The following TECPR2 variants were observed in gnomAD, a reference collection of about 807,000 sequenced individuals.
The protein encoded by TECPR2 is tectonin beta-propeller repeat-containing protein 2.
A neutral mutation model predicts 138.1 loss-of-function variants in TECPR2; 65 were observed. The ratio of observed to expected loss-of-function variants is 0.47; its 90% CI spans 0.39 to 0.58. TECPR2 has a LOEUF of 0.58. Among genes scored for constraint, TECPR2 ranks in the 20% least tolerant of loss-of-function variants. The probability of loss-of-function intolerance (pLI) is 0.00; values close to 1 mark genes in which losing one functional copy is unlikely to be tolerated. For synonymous variants in TECPR2, 746 were observed against 749.8 expected (o/e 0.99, Z 0.08); for missense variants, 1,553 against 1,824.5 (o/e 0.85, Z 2.71).
In TECPR2 at chr14:102,499,488, C is replaced by A. The variant is rs913353597; in HGVS notation, c.*1231C>A. The stretch of plus-strand genomic sequence containing the variant: ...GCAGCCTCAGAGGGGCAGGCATCCC[C>A]GCACAGACTTGACTGGCAGGGCGGT... On this transcript the variant is annotated 3_prime_UTR_variant, in exon 20 of 20. Coordinates refer to ENST00000359520, the MANE Select transcript of TECPR2 (RefSeq NM_014844.5). 2 of 500,696 alleles carry A rather than the reference C, an allele frequency of 4.0e-6. No individual in the cohort carries two copies. Among genetic ancestry groups the A allele is most frequent in the Non-Finnish European group, 3.6e-6 (1 of 277,260 alleles). 31.0% of individuals were successfully genotyped at this position (500,696 alleles called of 1,614,324 possible). A position where few individuals can be genotyped will look rare whatever the true frequency, so the allele number is the denominator to read the frequency against.
At position 102,501,461 on chromosome 14, in the gene TECPR2, G is replaced by A. The variant is rs1398116433; in HGVS notation, c.*3204G>A. ...GGAGGCCAAGGCAGGAGGATTACTT[G>A]AGCCCAGGAGTTTGAGGCTGCAATG... On this transcript the variant is annotated 3_prime_UTR_variant, in exon 20 of 20. Coordinates refer to ENST00000359520, the MANE Select transcript of TECPR2 (RefSeq NM_014844.5). The A allele has an allele frequency of 6.6e-6, 1 of 152,184 alleles. No homozygotes were observed. The highest frequency in any genetic ancestry group is 1.5e-5 in the Non-Finnish European group (1 of 68,046). The allele number at this position is 152,184 out of a possible 1,614,324, so 9.4% of individuals were successfully genotyped here. A position where few individuals can be genotyped will look rare whatever the true frequency, so the allele number is the denominator to read the frequency against.
chr14:102,431,313 T>C (rs902797765), intron 7 of TECPR2, among the ~76,000 whole-genome samples: 3 of 151,756 alleles, frequency 2.0e-5, no homozygotes, highest in African/African-American at 7.2e-5. Flanking sequence ...CTTAGAGTCT[T>C]TTGTATGATT....
chr14:102,407,190 T>G (rs1194803395), intron 2 of TECPR2, 148 bp from the exon 3 acceptor site: 1 of 1,065,058 alleles, frequency 9.4e-7, no homozygotes, highest in Non-Finnish European at 1.3e-6. Flanking sequence ...TCAACAGATG[T>G]AATTTCTGAC....
At chr14:102,447,322 T>C (rs991299289) in intron 13 of TECPR2, among the ~76,000 whole-genome samples, 4 of 151,982 alleles carry the variant, frequency 2.6e-5, no homozygotes, top group Non-Finnish European at 5.9e-5. Flanking sequence ...TTACCCAGGC[T>C]GGTCTCGAAC....
At chr14:102,492,554 G>A (rs545207181) in intron 17 of TECPR2, among the ~76,000 whole-genome samples, 6 of 152,360 alleles carry the variant, frequency 3.9e-5, no homozygotes, top group South Asian at 2.1e-4. Context: ...GGCTGGGGAC[G>A]CAGAATGTTT....
rs1221856252 is a variant in TECPR2 at position 102,443,798 on chromosome 14, A to C, written c.2904A>C (p.Glu968Asp). 1 of 1,599,078 alleles carries C rather than the reference A, an allele frequency of 6.3e-7. No individual in the cohort carries two copies. The highest frequency in any genetic ancestry group is 2.2e-5 in the East Asian group (1 of 44,588). The stretch of plus-strand genomic sequence containing the variant: ...AGGGCGTGAGCAGCTTCTGTCCGGA[A>C]GGCGAGCAGTGGAAGTGTGACATTG... Reference protein sequence around the residue: ...YREGVSSFCPEGEQWKCDIVS... With the variant: ...YREGVSSFCPDGEQWKCDIVS... Residue 968 changes from glutamate (E) to aspartate (D), a missense_variant, in exon 12 of 20, where the codon GAA (glutamate) becomes GAC (aspartate). Coordinates refer to ENST00000359520, the MANE Select transcript of TECPR2 (RefSeq NM_014844.5). The surrounding 1 kb of genome is among the most constrained non-coding windows in gnomAD (Gnocchi z 4.9).
Position 102,376,817 on chromosome 14 carries a change from C to T in TECPR2, c.96C>T (p.Arg32=), listed in dbSNP as rs1887650510. ...CGACAAAGATCCAGAAGGGTTTCCG[C>T]TCTATCGTGGTCTATCTCACGGCCC... The part of the protein sequence containing the change: ...AIPTKIQKGF[R]SIVVYLTALD... Residue 32 remains arginine (R), a synonymous_variant, in exon 2 of 20, where the codon CGC becomes CGT. Transcript: ENST00000359520. The T allele has an allele frequency of 1.2e-6, 2 of 1,614,204 alleles. No individual in the cohort carries two copies. Among genetic ancestry groups the T allele is most frequent in the African/African-American group, 1.3e-5 (1 of 75,058 alleles).
Position 102,497,641 on chromosome 14 carries a change from C to T in TECPR2, c.4003C>T (p.Arg1335Trp). The T allele has an allele frequency of 3.7e-6, 6 of 1,609,106 alleles. No individual in the cohort carries two copies. The highest frequency in any genetic ancestry group is 2.2e-5 in the East Asian group (1 of 44,626). Residue 1335 changes from arginine (R) to tryptophan (W), a missense_variant, in exon 19 of 20, where the codon CGG (arginine) becomes TGG (tryptophan). Coordinates refer to ENST00000359520, the MANE Select transcript of TECPR2 (RefSeq NM_014844.5). ...CCGCTGTCCAAACGGAGACCTCGCC[C>T]GGCGGTACGGCGTCACAGACAAGAA... ...WARCPNGDLA[R>W]RYGVTDKNPA...
rs367970932 is a variant in TECPR2, at chr14:102,445,842, C to T, written c.2970C>T (p.Leu990=). ...RQALEPVCIT[L]GDQQTLWALD... is the part of the protein sequence containing the mutation. The stretch of plus-strand genomic sequence containing the variant: ...CTTTAGAACCCGTCTGCATAACGCT[C>T]GGGGATCAGCAGACTCTCTGGGCCC... The change falls in exon 13 of 20, where the codon CTC becomes CTT. Residue 990 remains leucine, a synonymous_variant. Coordinates refer to ENST00000359520, the MANE Select transcript of TECPR2 (RefSeq NM_014844.5). The T allele has an allele frequency of 3.2e-5, 52 of 1,613,874 alleles. No individual in the cohort carries two copies. In the East Asian group the frequency reaches 3.3e-4, roughly 10 times the overall value.
intron 13 of TECPR2, among the ~76,000 whole-genome samples, chr14:102,447,071 A>C (rs1160556313): frequency 6.6e-6 from 1 of 152,198 alleles, no homozygotes; most frequent in African/African-American, 2.4e-5. Flanking sequence ...GAAACACTAT[A>C]AGAAACAGGA....
intron 9 of TECPR2, among the ~76,000 whole-genome samples, chr14:102,435,706 G>A (rs775061930): frequency 3.3e-5 from 5 of 152,156 alleles, no homozygotes; most frequent in Non-Finnish European, 4.4e-5. Flanking sequence ...CTCAACCTCC[G>A]AACAGTGGCT....
At chr14:102,403,430 T>TA (rs1231676732) in intron 2 of TECPR2, among the ~76,000 whole-genome samples, 1 of 152,114 alleles carries the variant, frequency 6.6e-6, no homozygotes, top group Non-Finnish European at 1.5e-5. Flanking sequence ...TACTTAATGG[T>TA]AAAAAACGGA....
chr14:102,363,015 G>C lies in TECPR2; in HGVS notation c.-174G>C, dbSNP rs1887218890. On this transcript the variant is annotated 5_prime_UTR_variant, in exon 1 of 20. Coordinates refer to ENST00000359520, the MANE Select transcript of TECPR2 (RefSeq NM_014844.5). ...CGGTGCTGGCCCCGGTGCCGGCCCCGTTGCCCAGGGAACAGGCTCCCGGCA... is the reference window on the plus strand; with the variant it reads ...CGGTGCTGGCCCCGGTGCCGGCCCCCTTGCCCAGGGAACAGGCTCCCGGCA... 2 of 901,864 alleles carry C rather than the reference G, an allele frequency of 2.2e-6. No homozygotes were observed. The highest frequency in any genetic ancestry group is 3.3e-6 in the Non-Finnish European group (2 of 598,228). The allele number at this position is 901,864 out of a possible 1,614,324, so 55.9% of individuals were successfully genotyped here.
intron 2 of TECPR2, among the ~76,000 whole-genome samples, chr14:102,383,212 CACAGAGTAGTTTTGACTTCT>C (rs1352437841): frequency 1.3e-5 from 2 of 152,208 alleles, no homozygotes; most frequent in Non-Finnish European, 2.9e-5. Flanking sequence ...TGACTTCTAA[CACAGAGTAGTTTTGACTTCT>C]ACAGAGTAGT....
At chr14:102,378,581 C>A (rs959122792) in intron 2 of TECPR2, among the ~76,000 whole-genome samples, 1 of 151,950 alleles carries the variant, frequency 6.6e-6, no homozygotes, top group Admixed American at 6.6e-5. Flanking sequence ...AATGGCAGCA[C>A]CATCATGTGA....
At chr14:102,467,239 C>A (rs1381160084) in intron 17 of TECPR2, among the ~76,000 whole-genome samples, 1 of 151,330 alleles carries the variant, frequency 6.6e-6, no homozygotes, top group African/African-American at 2.4e-5. Context: ...TTAAGGATGT[C>A]AAAGTGTTTT....
intron 17 of TECPR2, among the ~76,000 whole-genome samples, chr14:102,477,669 G>A (rs1172728000): frequency 7.0e-6 from 1 of 142,466 alleles, no homozygotes; most frequent in African/African-American, 2.6e-5. Context: ...TCCTGCCTCA[G>A]CCTCCCAAGT....
rs763133422 is a variant in TECPR2, at chr14:102,497,668, C to A, written c.4030C>A (p.Pro1344Thr). 18 of 1,609,024 alleles carry A rather than the reference C, an allele frequency of 1.1e-5. No homozygotes were observed. The highest frequency in any genetic ancestry group is 1.4e-5 in the Non-Finnish European group (16 of 1,178,232). The change falls in exon 19 of 20, where the codon CCC becomes ACC. Residue 1344 changes from proline (P) to threonine (T), a missense_variant. Transcript: ENST00000359520. ...GCGGTACGGCGTCACAGACAAGAAC[C>A]CCGCCGGGGACTACTGGAAGAAAAT... ...ARRYGVTDKN[P>T]AGDYWKKIPG... is the part of the protein sequence containing the mutation.
chr14:102,430,130 C>T (rs778298948), intron 7 of TECPR2, among the ~76,000 whole-genome samples: 4 of 151,978 alleles, frequency 2.6e-5, no homozygotes, highest in Non-Finnish European at 5.9e-5. Flanking sequence ...CCACACCAGG[C>T]TAATATTTTG....
Sources: allele counts gnomAD v4.1 joint callset (sites outside exome capture counted in the v4.1 genomes callset), GRCh38; gene constraint gnomAD v4.1.1; non-coding constraint Gnocchi (gnomAD v3.1); transcripts MANE v1.5; gene names NCBI Gene and HGNC (gene_info 2026-07-23, HGNC 2026-07-21).